SP1: variants seen among roughly 807,000 people sequenced by gnomAD.
SP1 encodes the protein Sp1 transcription factor.
SP1 carries 6 observed loss-of-function variants against 66.3 expected under a neutral mutation model. That is an observed-to-expected ratio of 0.09 (90% CI 0.05 to 0.18). SP1 has a LOEUF of 0.18. SP1 is among the 10% of genes least tolerant of loss of function. The probability of loss-of-function intolerance (pLI) is 1.00; values close to 1 mark genes in which losing one functional copy is unlikely to be tolerated. For synonymous variants in SP1, 417 were observed against 360.8 expected (o/e 1.16, Z -1.77); for missense variants, 848 against 964.5 (o/e 0.88, Z 1.60).
At position 53,414,161 on chromosome 12, in the gene SP1, AT is replaced by A. The variant is rs1013755217; in HGVS notation, c.*2928del. The A allele has an allele frequency of 2.6e-5, 4 of 152,140 alleles. No homozygotes were observed. Among genetic ancestry groups the A allele is most frequent in the African/African-American group, 9.7e-5 (4 of 41,428 alleles). 9.4% of individuals were successfully genotyped at this position (152,140 alleles called of 1,614,324 possible). On this transcript the variant is annotated 3_prime_UTR_variant, in exon 6 of 6. Transcript: ENST00000327443. Reference sequence around the variant, plus strand: ...AACTGACATGCATATTGATTCTGAAATTTTTTTCCTAAGTTTTTTTCATTTT... The same window carrying A: ...AACTGACATGCATATTGATTCTGAAATTTTTTCCTAAGTTTTTTTCATTTT...
intron 3 of SP1, among the ~76,000 whole-genome samples, chr12:53,405,980 A>G (rs369002330): frequency 4.6e-5 from 6 of 131,384 alleles, no homozygotes; most frequent in African/African-American, 1.9e-4. Flanking sequence ...CATGTACCGT[A>G]AAACTTAAAG....
At chr12:53,383,701 A>G in intron 3 of SP1, 79 bp downstream of exon 3, 5 of 1,181,860 alleles carry the variant, frequency 4.2e-6, no homozygotes, top group Non-Finnish European at 6.0e-6. Flanking sequence ...AGAAAGGAAT[A>G]GAGCCTTTTG....
In SP1 at chr12:53,383,024, C is replaced by T; in HGVS notation, c.1077C>T (p.Val359=). The change falls in exon 3 of 6, where the codon GTC becomes GTT. Residue 359 remains valine, a synonymous_variant. Transcript: ENST00000327443. The part of the protein sequence containing the change: ...TNSQGQTPQR[V]SGLQGSDALN... ...CTCAAGGCCAGACACCCCAGAGGGT[C>T]AGTGGGCTACAGGGGTCTGATGCTC... is the stretch of plus-strand genomic sequence containing the variant. 1 of 1,614,192 alleles carries T rather than the reference C, an allele frequency of 6.2e-7. No individual in the cohort carries two copies. Among genetic ancestry groups the T allele is most frequent in the East Asian group, 2.2e-5 (1 of 44,886 alleles).
In SP1 at chr12:53,402,969, AG is replaced by A. The variant is rs200615705; in HGVS notation, c.1676-3615del. Among the ~76,000 whole-genome samples the A allele has an allele frequency of 3.1e-3, 447 of 144,712 alleles. 10 individuals carry two copies. The highest frequency in any genetic ancestry group is 6.2e-3 in the African/African-American group (241 of 39,100). 94.9% of individuals were successfully genotyped at this position (144,712 alleles called of 152,430 possible). A position where few individuals can be genotyped will look rare whatever the true frequency, so the allele number is the denominator to read the frequency against. On this transcript the variant is annotated intron_variant, in intron 3 of 5. Coordinates refer to ENST00000327443, the MANE Select transcript of SP1 (RefSeq NM_138473.3). Reference sequence around the variant, plus strand: ...GCCTGGGCGACAGAGATTCCATCTCAGAAAAAAAAAAAAAATGCAGAAATTA... The same window carrying A: ...GCCTGGGCGACAGAGATTCCATCTCAAAAAAAAAAAAAAATGCAGAAATTA...
intron 3 of SP1, among the ~76,000 whole-genome samples, chr12:53,401,052 A>G (rs1182800215): frequency 6.6e-6 from 1 of 151,990 alleles, no homozygotes; most frequent in Non-Finnish European, 1.5e-5. Flanking sequence ...TGCAGGCATG[A>G]GCCACCTCAT....
rs989281928 is a variant in SP1 at position 53,411,765 on chromosome 12, G to A, written c.*525G>A. The A allele has an allele frequency of 3.3e-5, 5 of 151,358 alleles. No homozygotes were observed. Among genetic ancestry groups the A allele is most frequent in the African/African-American group, 1.2e-4 (5 of 41,046 alleles). 9.4% of individuals were successfully genotyped at this position (151,358 alleles called of 1,614,324 possible). On this transcript the variant is annotated 3_prime_UTR_variant, in exon 6 of 6. Transcript: ENST00000327443. ...ATACCTTGGTCATTTTTTTTATATT[G>A]CCTTATTTCCCTATGGCTGAGCCTT...
chr12:53,380,603 C>G (rs1345360676), intron 1 of SP1: 6 of 1,015,284 alleles, frequency 5.9e-6, no homozygotes, highest in Non-Finnish European at 7.1e-6. Flanking sequence ...TGAGGCTCCT[C>G]CCGCCGGGGG....
intron 4 of SP1, among the ~76,000 whole-genome samples, chr12:53,407,131 A>AT (rs903878267): frequency 5.7e-4 from 80 of 141,228 alleles, no homozygotes; most frequent in South Asian, 1.1e-3. Flanking sequence ...GCAAAGGTTA[A>AT]TTTTTTTTTT....
intron 4 of SP1, among the ~76,000 whole-genome samples, chr12:53,408,479 A>G (rs1565818287): frequency 6.6e-6 from 1 of 151,236 alleles, no homozygotes. Flanking sequence ...TTTAGTACAG[A>G]TGAGGTTTCG....
In SP1 at chr12:53,387,243, G is replaced by A. The variant is rs1455867577; in HGVS notation, c.1675+3621G>A. On this transcript the variant is annotated intron_variant, in intron 3 of 5. Transcript: ENST00000327443. ...TGGGATTACAGGCGTGAGCCACTGCGCCTGGCCACTTCTAGTTCTTTTGGC... is the reference window on the plus strand; with the variant it reads ...TGGGATTACAGGCGTGAGCCACTGCACCTGGCCACTTCTAGTTCTTTTGGC... 3.3e-5 allele frequency among the ~76,000 whole-genome samples: 5 copies of A among 152,242 alleles called. No individual in the cohort carries two copies. In the East Asian group the frequency reaches 5.8e-4, roughly 18 times the overall value.
intron 3 of SP1, among the ~76,000 whole-genome samples, chr12:53,396,336 G>A (rs971982081): frequency 3.3e-5 from 5 of 150,554 alleles, no homozygotes; most frequent in African/African-American, 9.8e-5. Flanking sequence ...TTGGGAGGCC[G>A]AGACGGGTGG....
At chr12:53,400,305 A>G (rs908043025) in intron 3 of SP1, among the ~76,000 whole-genome samples, 8 of 151,720 alleles carry the variant, frequency 5.3e-5, no homozygotes, top group African/African-American at 1.7e-4. Context: ...AATTAGCATA[A>G]TATTTCCAAG....
intron 3 of SP1, among the ~76,000 whole-genome samples, chr12:53,395,832 C>T (rs1938475270): frequency 6.6e-6 from 1 of 150,898 alleles, no homozygotes; most frequent in Non-Finnish European, 1.5e-5. Flanking sequence ...AAAAAATTAA[C>T]TGGGCGTAGC....
chr12:53,390,295 T>C (rs760998108), intron 3 of SP1, among the ~76,000 whole-genome samples: 40 of 152,236 alleles, frequency 2.6e-4, no homozygotes, highest in South Asian at 8.3e-4. Flanking sequence ...TCTAGAGATA[T>C]CAGCACAGAA....
At chr12:53,397,800 C>A (rs1024866487) in intron 3 of SP1, among the ~76,000 whole-genome samples, 1 of 151,718 alleles carries the variant, frequency 6.6e-6, no homozygotes, top group South Asian at 2.1e-4. Context: ...ATGATCCTCC[C>A]GCCTTGGCCT....
In SP1 at chr12:53,416,207, C is replaced by T. The variant is rs963697730; in HGVS notation, c.*4967C>T. ...GTGTGGGTAAATGCTTTTAAATGCT[C>T]TCTCATCTTGTTCTTCCCCCTCACC... On this transcript the variant is annotated 3_prime_UTR_variant, in exon 6 of 6. Transcript: ENST00000327443. The T allele has an allele frequency of 2.6e-5, 4 of 153,282 alleles. No homozygotes were observed. The highest frequency in any genetic ancestry group is 1.3e-4 in the Admixed American group (2 of 15,298). 9.5% of individuals were successfully genotyped at this position (153,282 alleles called of 1,614,324 possible).
Position 53,380,262 on chromosome 12 carries a change from C to G in SP1, c.-30C>G. 1 of 1,376,886 alleles carries G rather than the reference C, an allele frequency of 7.3e-7. No homozygotes were observed. The highest frequency in any genetic ancestry group is 1.0e-6 in the Non-Finnish European group (1 of 969,660). The allele number at this position is 1,376,886 out of a possible 1,614,324, so 85.3% of individuals were successfully genotyped here. A position where few individuals can be genotyped will look rare whatever the true frequency, so the allele number is the denominator to read the frequency against. ...CCCCCCCCAACCCCCCCGGACAGGA[C>G]CCCCTTGAGCTTGTCCCTCAGCTGC... On this transcript the variant is annotated 5_prime_UTR_variant, in exon 1 of 6. Coordinates refer to ENST00000327443, the MANE Select transcript of SP1 (RefSeq NM_138473.3).
Position 53,382,492 on chromosome 12 carries a change from T to C in SP1, c.545T>C (p.Val182Ala). 2 of 1,614,170 alleles carry C rather than the reference T, an allele frequency of 1.2e-6. No individual in the cohort carries two copies. The highest frequency in any genetic ancestry group is 1.7e-6 in the Non-Finnish European group (2 of 1,180,022). ...CAAGTAATCCCACAGTTCCAGACCG[T>C]TGATGGGCAACAGCTGCAGTTTGCT... ...QYQVIPQFQT[V>A]DGQQLQFAAT... Residue 182 changes from valine (V) to alanine (A), a missense_variant, in exon 3 of 6, where the codon GTT becomes GCT. Physicochemically the swap from Val to Ala is moderately conservative, Grantham distance 64. Around this residue, in one of 7 missense-constraint regions of SP1, gnomAD observed 606 missense variants for 589.9 expected, o/e 1.03. Transcript: ENST00000327443.
intron 1 of SP1, 91 bp from the exon 2 acceptor site, chr12:53,381,568 A>G (rs1030975613): frequency 8.3e-7 from 1 of 1,209,612 alleles, no homozygotes; most frequent in East Asian, 2.5e-5. Flanking sequence ...CCTGTTAGTC[A>G]TTGCTATTTC....
Sources: allele counts gnomAD v4.1 joint callset (sites outside exome capture counted in the v4.1 genomes callset), GRCh38; gene constraint gnomAD v4.1.1; regional missense constraint gnomAD v4.1.1; transcripts MANE v1.5; gene names NCBI Gene and HGNC (gene_info 2026-07-23, HGNC 2026-07-21).